Variants in ALK observed in about 807,000 individuals in gnomAD.
ALK encodes the protein ALK tyrosine kinase receptor.
In ALK, 74 loss-of-function variants were observed where a neutral mutation model predicts 163.1. The observed-to-expected ratio is 0.45, with a 90% confidence interval of 0.38 to 0.55. ALK has a LOEUF of 0.55. ALK is among the 20% of genes least tolerant of loss of function. The pLI, the probability that ALK is intolerant of heterozygous loss-of-function variation, is 0.00. For synonymous variants in ALK, 960 were observed against 843.2 expected, an observed-to-expected ratio of 1.14 and a Z score of -2.40; for missense variants, 2,063 against 2,105.3, an observed-to-expected ratio of 0.98 and a Z score of 0.39.
intron 1 of ALK, among the ~76,000 whole-genome samples, chr2:29,909,504 G>GAGAA (rs1333691721): frequency 1.3e-5 from 2 of 151,426 alleles, no homozygotes. Flanking sequence ...GAGAGAGAGA[G>GAGAA]AGAGAGAGAG....
chr2:29,403,596 G>A (rs1481082867), intron 4 of ALK, among the ~76,000 whole-genome samples: 6 of 151,222 alleles, frequency 4.0e-5, no homozygotes, highest in South Asian at 2.1e-4. Context: ...GGGTGGGGGC[G>A]CTGGCATGCT....
intron 3 of ALK, among the ~76,000 whole-genome samples, chr2:29,541,515 T>A (rs1225413324): frequency 6.6e-6 from 1 of 152,192 alleles, no homozygotes; most frequent in East Asian, 1.9e-4. Flanking sequence ...GGTCTTGAAC[T>A]CCTGACCTCA....
Position 29,570,410 on chromosome 2 carries a change from C to T in ALK, c.953-38294G>A, listed in dbSNP as rs1337410691. ...TTTCCAAGGAAGCTTGGCAGGTGTG[C>T]CCAGGTAGGACCGACAGTGCTCAAG... On this transcript the variant is annotated intron_variant, in intron 3 of 28. Coordinates refer to ENST00000389048, the MANE Select transcript of ALK (RefSeq NM_004304.5). 2.6e-5 allele frequency among the ~76,000 whole-genome samples: 4 copies of T among 152,110 alleles called. No homozygotes were observed. In the East Asian group the frequency reaches 7.7e-4, roughly 29 times the overall value.
In ALK at chr2:29,214,106, C is replaced by T. The variant is rs771921627; in HGVS notation, c.3646-25G>A. 2.5e-6 allele frequency: 4 copies of T among 1,599,148 alleles called. No individual in the cohort carries two copies. In the African/African-American group the frequency reaches 4.0e-5, roughly 16 times the overall value. On this transcript the variant is annotated intron_variant, in intron 23 of 28. Coordinates refer to ENST00000389048, the MANE Select transcript of ALK (RefSeq NM_004304.5). Reference sequence around the variant, plus strand: ...TCTGTGGGGAGACAGAAGCGGGCCACTGACGAGGAGCTTGTCAGTGAGAGG... The same window carrying T: ...TCTGTGGGGAGACAGAAGCGGGCCATTGACGAGGAGCTTGTCAGTGAGAGG...
At chr2:29,348,404 C>T (rs999266430) in intron 5 of ALK, among the ~76,000 whole-genome samples, 1 of 152,148 alleles carries the variant, frequency 6.6e-6, no homozygotes, top group Non-Finnish European at 1.5e-5. Flanking sequence ...CTCGGGGCAC[C>T]CAGGGGCTCA....
At chr2:29,697,028 A>C (rs559564708) in intron 2 of ALK, among the ~76,000 whole-genome samples, 1 of 152,154 alleles carries the variant, frequency 6.6e-6, no homozygotes, top group African/African-American at 2.4e-5. Context: ...CTATGTAACA[A>C]ATCCATATGT....
intron 4 of ALK, among the ~76,000 whole-genome samples, chr2:29,508,793 G>C (rs1672426440): frequency 7.2e-6 from 1 of 137,934 alleles, no homozygotes; most frequent in Non-Finnish European, 1.5e-5. Context: ...CTGACCTATT[G>C]AATCAGAACA....
rs567633134 is a variant in ALK, at chr2:29,406,881, AGAGT to A, written c.1155-23026_1155-23023del. Among the ~76,000 whole-genome samples, 252 of 140,362 alleles carry A rather than the reference AGAGT, an allele frequency of 1.8e-3. 2 individuals carry two copies. Among genetic ancestry groups the A allele is most frequent in the Admixed American group, 4.2e-3 (56 of 13,356 alleles). The allele number at this position is 140,362 out of a possible 152,430, so 92.1% of individuals were successfully genotyped here. ...GCCACTGCACTCCAGCCTGGGAGCC[AGAGT>A]GAGACTCCATCTCAAAAAAAAAAAA... On this transcript the variant is annotated intron_variant, in intron 4 of 28. Coordinates refer to ENST00000389048, the MANE Select transcript of ALK (RefSeq NM_004304.5).
chr2:29,662,853 T>C (rs1677392069), intron 3 of ALK, among the ~76,000 whole-genome samples: 2 of 152,190 alleles, frequency 1.3e-5, no homozygotes, highest in Admixed American at 1.3e-4. Flanking sequence ...CCTTGCTACA[T>C]GTTTGTGCCT....
intron 1 of ALK, among the ~76,000 whole-genome samples, chr2:29,719,034 G>A (rs1047010209): frequency 6.6e-6 from 1 of 152,166 alleles, no homozygotes; most frequent in Non-Finnish European, 1.5e-5. Flanking sequence ...CACACTTGAA[G>A]GAAATCTCTG....
intron 1 of ALK, among the ~76,000 whole-genome samples, chr2:29,860,008 G>A (rs1265567666): frequency 6.6e-6 from 1 of 152,104 alleles, no homozygotes; most frequent in Non-Finnish European, 1.5e-5. Context: ...AGGGAGGAAG[G>A]TTGAAACAAG....
chr2:29,504,544 A>G (rs1366881291), intron 4 of ALK, among the ~76,000 whole-genome samples: 3 of 152,042 alleles, frequency 2.0e-5, no homozygotes, highest in Non-Finnish European at 4.4e-5. Context: ...GGGAGGGGCA[A>G]GTGGGTAAGT....
chr2:29,419,241 G>T (rs1468360825), intron 4 of ALK, among the ~76,000 whole-genome samples: 3 of 151,198 alleles, frequency 2.0e-5, no homozygotes, highest in Non-Finnish European at 4.4e-5. Flanking sequence ...TTTTAGTAGA[G>T]ACAGGGTTTC....
intron 1 of ALK, among the ~76,000 whole-genome samples, chr2:29,859,687 CAT>C (rs1203533832): frequency 3.3e-5 from 5 of 152,006 alleles, no homozygotes; most frequent in African/African-American, 9.7e-5. Context: ...AAACATCACA[CAT>C]GTGTCATAGA....
At chr2:29,363,563 C>G (rs12714275) in intron 5 of ALK, among the ~76,000 whole-genome samples, 47,987 of 151,916 alleles carry the variant, frequency 0.32, 7,888 homozygotes, top group Middle Eastern at 0.38. Context: ...GATCTGTAGG[C>G]CAGGACTGTA....
At chr2:29,864,205 A>G (rs1199772087) in intron 1 of ALK, among the ~76,000 whole-genome samples, 1 of 152,130 alleles carries the variant, frequency 6.6e-6, no homozygotes. Context: ...CTGGCTACGT[A>G]CACATACCCC....
chr2:29,505,225 G>A (rs1178711797), intron 4 of ALK, among the ~76,000 whole-genome samples: 1 of 152,130 alleles, frequency 6.6e-6, no homozygotes, highest in East Asian at 1.9e-4. Context: ...TACTGGGTGG[G>A]ACACCCTGAT....
chr2:29,422,237 C>A (rs1383251703), intron 4 of ALK, among the ~76,000 whole-genome samples: 3 of 149,256 alleles, frequency 2.0e-5, no homozygotes, highest in East Asian at 3.8e-4. Context: ...TTTGGAAGAA[C>A]CTAACAGTTC....
chr2:29,865,498 T>C (rs1168520138), intron 1 of ALK, among the ~76,000 whole-genome samples: 1 of 152,206 alleles, frequency 6.6e-6, no homozygotes, highest in Non-Finnish European at 1.5e-5. Context: ...TCCTGAGTTT[T>C]ATATGTAACA....
Sources: gnomAD v4.1 joint callset for allele counts (sites outside exome capture counted in the v4.1 genomes callset) on GRCh38, gnomAD v4.1.1 for gene constraint, MANE v1.5 for transcripts, NCBI Gene and HGNC (gene_info 2026-07-23, HGNC 2026-07-21) for gene names.